GUK1: variants seen among roughly 807,000 people sequenced by gnomAD.
The protein encoded by GUK1 is guanylate kinase.
In GUK1, 18 loss-of-function variants were observed where a neutral mutation model predicts 25.2. The observed-to-expected ratio is 0.71, with a 90% confidence interval of 0.49 to 1.06. GUK1 has a LOEUF of 1.06. Among genes scored for constraint, GUK1 ranks in the 50% least tolerant of loss-of-function variants. The probability of loss-of-function intolerance (pLI) is 0.00; values close to 1 mark genes in which losing one functional copy is unlikely to be tolerated. For missense variants in GUK1, 261 were observed against 276.7 expected, an observed-to-expected ratio of 0.94 and a Z score of 0.40; for synonymous variants, 105 against 117.6, an observed-to-expected ratio of 0.89 and a Z score of 0.69.
At chr1:228,141,972 T>C (rs2034082753) in intron 2 of GUK1, 1 of 239,504 alleles carries the variant, frequency 4.2e-6, no homozygotes. Context: ...GCGCATGTGT[T>C]CTGGTCAGGG....
At chr1:228,148,195 A>G (rs1450960848) in intron 7 of GUK1, 176 bp from the exon 7 acceptor site, 1 of 691,368 alleles carries the variant, frequency 1.4e-6, no homozygotes, top group Non-Finnish European at 2.7e-6. Context: ...GTGCCTGAGG[A>G]CTGAGGCCCA....
chr1:228,148,295 T>C, intron 7 of GUK1, 76 bp from the exon 7 acceptor site: 3 of 1,030,094 alleles, frequency 2.9e-6, no homozygotes, highest in Non-Finnish European at 1.5e-6. Context: ...GCCAGTGGGC[T>C]GCTCTGGGGG....
intron 2 of GUK1, among the ~76,000 whole-genome samples, chr1:228,142,421 C>T (rs2034112589): frequency 6.6e-6 from 1 of 152,148 alleles, no homozygotes; most frequent in South Asian, 2.1e-4. Flanking sequence ...CCCTGCCTGG[C>T]AGCAGCTGGG....
intron 2 of GUK1, chr1:228,144,467 C>G (rs1167433870): frequency 6.6e-6 from 1 of 152,406 alleles, no homozygotes; most frequent in Non-Finnish European, 1.5e-5. Context: ...AGACGCTGCC[C>G]TGGCCCTGTG....
intron 2 of GUK1, chr1:228,141,389 C>T (rs774866307): frequency 2.2e-6 from 1 of 464,416 alleles, no homozygotes; most frequent in Non-Finnish European, 2.8e-6. Flanking sequence ...TGCTGAAGGC[C>T]AGGATGCGTG....
chr1:228,145,480 T>G (rs2034317024), intron 2 of GUK1, 31 bp from the exon 2 acceptor site: 1 of 1,579,434 alleles, frequency 6.3e-7, no homozygotes, highest in Non-Finnish European at 8.6e-7. Context: ...GAGGCCGCAC[T>G]GCTATCCACA....
intron 2 of GUK1, chr1:228,141,956 C>A: frequency 3.6e-6 from 1 of 275,182 alleles, no homozygotes; most frequent in Non-Finnish European, 6.4e-6. Flanking sequence ...CAGGAAGACA[C>A]CTTTGGCGCA....
At chr1:228,144,601 C>G in intron 2 of GUK1, 1 of 422,738 alleles carries the variant, frequency 2.4e-6, no homozygotes, top group Non-Finnish European at 3.2e-6. Context: ...TGCAAGGGCC[C>G]AGGGCCAGGC....
intron 2 of GUK1, among the ~76,000 whole-genome samples, chr1:228,142,878 T>G (rs2034139289): frequency 1.3e-5 from 2 of 151,780 alleles, no homozygotes; most frequent in Non-Finnish European, 2.9e-5. Context: ...GCTCTCCCCC[T>G]TCTGAGGACG....
intron 4 of GUK1, 30 bp from the exon 4 acceptor site, chr1:228,146,812 G>T (rs1315290792): frequency 6.8e-7 from 1 of 1,474,702 alleles, no homozygotes. Flanking sequence ...GGTCCAGTCT[G>T]CCCTCTGGAT....
intron 2 of GUK1, chr1:228,141,794 A>C (rs766046570): frequency 2.4e-6 from 3 of 1,260,596 alleles, no homozygotes; most frequent in Non-Finnish European, 3.1e-6. Context: ...GAGACCTTCC[A>C]TCTCGGAGCT....
In GUK1 at chr1:228,146,522, G is replaced by A. The variant is rs571165920; in HGVS notation, c.155-320G>A. 44 of 439,300 alleles carry A rather than the reference G, an allele frequency of 1.0e-4. No homozygotes were observed. The East Asian group carries it at 1.5e-3, about 15-fold the overall frequency. The allele number at this position is 439,300 out of a possible 1,614,324, so 27.2% of individuals were successfully genotyped here. Reference sequence around the variant, plus strand: ...CACATCGTCCCCTCTGTAACCTGACGGTCTCCAGTTCCCCCACCACCTTCC... The same window carrying A: ...CACATCGTCCCCTCTGTAACCTGACAGTCTCCAGTTCCCCCACCACCTTCC... On this transcript the variant is annotated intron_variant, in intron 4 of 8. Coordinates refer to ENST00000312726, the MANE Select transcript of GUK1 (RefSeq NM_000858.7).
chr1:228,148,671 A>C lies in GUK1; in HGVS notation c.568A>C (p.Lys190Gln). ...CTTTCTTCCTCACTGGCAGGAAATCAAGAAAGCTCAAAGGACCGGCGCCTG... is the reference window on the plus strand; with the variant it reads ...CTTTCTTCCTCACTGGCAGGAAATCCAGAAAGCTCAAAGGACCGGCGCCTG... The change falls in exon 9 of 9, where the codon AAG becomes CAG. Residue 190 changes from lysine (K) to glutamine (Q), a missense_variant. Transcript: ENST00000312726. The C allele has an allele frequency of 6.3e-7, 1 of 1,590,004 alleles. No individual in the cohort carries two copies. Among genetic ancestry groups the C allele is most frequent in the Non-Finnish European group, 8.6e-7 (1 of 1,166,054 alleles).
chr1:228,146,643 AGT>A, intron 4 of GUK1, 197 bp from the exon 4 acceptor site: 1 of 597,680 alleles, frequency 1.7e-6, no homozygotes, highest in Middle Eastern at 4.5e-4. Flanking sequence ...CAGTGAGGAC[AGT>A]GTGAGAAATG....
Position 228,148,854 on chromosome 1 carries a change from C to T in GUK1, c.*157C>T. 6.5e-7 allele frequency: 1 copy of T among 1,530,010 alleles called. No homozygotes were observed. Among genetic ancestry groups the T allele is most frequent in the Non-Finnish European group, 8.9e-7 (1 of 1,129,630 alleles). 94.8% of individuals were successfully genotyped at this position (1,530,010 alleles called of 1,614,324 possible). A position where few individuals can be genotyped will look rare whatever the true frequency, so the allele number is the denominator to read the frequency against. ...TGTGGTTGGAACATCCTGGGGTGAC[C>T]CCCGACCCAGCCTCGCTGGGCTGTC... On this transcript the variant is annotated 3_prime_UTR_variant, in exon 9 of 9. Coordinates refer to ENST00000312726, the MANE Select transcript of GUK1 (RefSeq NM_000858.7).
At chr1:228,143,844 G>A (rs903957354) in intron 2 of GUK1, among the ~76,000 whole-genome samples, 2 of 152,172 alleles carry the variant, frequency 1.3e-5, no homozygotes, top group African/African-American at 4.8e-5. Context: ...AGATGAAAAC[G>A]ATGTGTGCTT....
intron 4 of GUK1, 37 bp from the exon 4 acceptor site, chr1:228,146,805 C>A: frequency 1.4e-6 from 2 of 1,413,032 alleles, no homozygotes; most frequent in Non-Finnish European, 2.0e-6. Context: ...TGGTGCAGGT[C>A]CAGTCTGCCC....
intron 2 of GUK1, among the ~76,000 whole-genome samples, chr1:228,143,041 G>C (rs1266630729): frequency 6.6e-6 from 1 of 152,162 alleles, no homozygotes; most frequent in African/African-American, 2.4e-5. Flanking sequence ...GGTGTCTTCT[G>C]CCTGTGGGCC....
At position 228,146,016 on chromosome 1, in the gene GUK1, T is replaced by C; in HGVS notation, c.113-10T>C. ...AGCAGCCCCCGATGGGTGACAGGTC[T>C]CTCTGCTAGATACCACGAGGAACCC... is the stretch of plus-strand genomic sequence containing the variant. On this transcript the variant is annotated splice_polypyrimidine_tract_variant and intron_variant, in intron 3 of 8. Coordinates refer to ENST00000312726, the MANE Select transcript of GUK1 (RefSeq NM_000858.7). 1 of 1,607,706 alleles carries C rather than the reference T, an allele frequency of 6.2e-7. No individual in the cohort carries two copies. Among genetic ancestry groups the C allele is most frequent in the Non-Finnish European group, 8.5e-7 (1 of 1,174,440 alleles).
Sources: gnomAD v4.1 joint callset for allele counts (sites outside exome capture counted in the v4.1 genomes callset) on GRCh38, gnomAD v4.1.1 for gene constraint, MANE v1.5 for transcripts, NCBI Gene and HGNC (gene_info 2026-07-23, HGNC 2026-07-21) for gene names.